The following CDC14A variants were observed in gnomAD, a reference collection of about 807,000 sequenced individuals.
CDC14A encodes the protein cell division cycle 14A.
In CDC14A, 53 loss-of-function variants were observed where a neutral mutation model predicts 74.4. The observed-to-expected ratio is 0.71, with a 90% confidence interval of 0.57 to 0.89. CDC14A has a LOEUF of 0.89. Ranked by LOEUF, CDC14A falls within the 40% of genes least tolerant of loss-of-function variation. The pLI is 0.00. For synonymous variants in CDC14A, 247 were observed against 258.4 expected (o/e 0.96, Z 0.43); for missense variants, 646 against 713.7 (o/e 0.91, Z 1.08).
intron 4 of CDC14A, among the ~76,000 whole-genome samples, chr1:100,396,190 GA>G (rs1658453502): frequency 6.6e-6 from 1 of 152,238 alleles, no homozygotes; most frequent in African/African-American, 2.4e-5. Context: ...TGGAAGCTGG[GA>G]CAGGGTCCTG....
At chr1:100,394,590 A>C (rs1206564164) in intron 4 of CDC14A, among the ~76,000 whole-genome samples, 1 of 152,200 alleles carries the variant, frequency 6.6e-6, no homozygotes, top group Non-Finnish European at 1.5e-5. Context: ...CTTTAAAGCA[A>C]CCAAAAGGGG....
intron 2 of CDC14A, among the ~76,000 whole-genome samples, chr1:100,370,159 AT>A (rs1228288293): frequency 1.3e-5 from 2 of 151,720 alleles, no homozygotes; most frequent in African/African-American, 4.8e-5. Flanking sequence ...AATTTTTGTA[AT>A]TTTTAGGAGA....
intron 7 of CDC14A, among the ~76,000 whole-genome samples, chr1:100,452,360 A>C (rs1202443093): frequency 6.6e-6 from 1 of 152,026 alleles, no homozygotes; most frequent in Non-Finnish European, 1.5e-5. Flanking sequence ...AAATACAAAA[A>C]AATTAGTCGG....
chr1:100,519,695 C>T lies in CDC14A; in HGVS notation c.*1415C>T, dbSNP rs2101496479. Reference sequence around the variant, plus strand: ...GTTTGACTCAGGTTTGTTAAATTAACCTTCAGTAACTGCAGTACCAAAAAT... The same window carrying T: ...GTTTGACTCAGGTTTGTTAAATTAATCTTCAGTAACTGCAGTACCAAAAAT... On this transcript the variant is annotated 3_prime_UTR_variant, in exon 16 of 16. Coordinates refer to ENST00000336454, the MANE Select transcript of CDC14A (RefSeq NM_003672.4). The T allele has an allele frequency of 6.6e-6, 1 of 152,302 alleles. No homozygotes were observed. The highest frequency in any genetic ancestry group is 1.9e-4 in the East Asian group (1 of 5,180). 9.4% of individuals were successfully genotyped at this position (152,302 alleles called of 1,614,324 possible).
At chr1:100,506,516 A>G (rs1649254767) in intron 15 of CDC14A, among the ~76,000 whole-genome samples, 1 of 152,230 alleles carries the variant, frequency 6.6e-6, no homozygotes, top group Non-Finnish European at 1.5e-5. Context: ...TATGCACATA[A>G]ACTGTTTATA....
At chr1:100,345,358 G>T (rs1233014827) in intron 1 of CDC14A, 1 of 151,976 alleles carries the variant, frequency 6.6e-6, no homozygotes, top group East Asian at 1.9e-4. Flanking sequence ...TAAATGCTAG[G>T]CTGTATTTGT....
chr1:100,455,958 C>T (rs1178709383), intron 8 of CDC14A, among the ~76,000 whole-genome samples: 1 of 152,206 alleles, frequency 6.6e-6, no homozygotes, highest in East Asian at 1.9e-4. Flanking sequence ...TCTCTTTTAA[C>T]ACTCAACACA....
intron 3 of CDC14A, among the ~76,000 whole-genome samples, chr1:100,380,374 C>T (rs564631016): frequency 3.3e-5 from 5 of 152,312 alleles, no homozygotes; most frequent in Admixed American, 6.5e-5. Context: ...GAACCATAGC[C>T]TCTGGTTTAC....
chr1:100,370,516 T>C (rs1654324122), intron 2 of CDC14A, among the ~76,000 whole-genome samples: 1 of 152,198 alleles, frequency 6.6e-6, no homozygotes, highest in South Asian at 2.1e-4. Context: ...ACCAGTTTCA[T>C]TCTTTTGCAT....
intron 9 of CDC14A, among the ~76,000 whole-genome samples, chr1:100,466,915 C>A: frequency 6.8e-6 from 1 of 147,326 alleles, no homozygotes; most frequent in Admixed American, 6.8e-5. Context: ...AAGGAAATGT[C>A]AGGCATCTGT....
intron 1 of CDC14A, 39 bp downstream of exon 1, chr1:100,353,042 G>T (rs779129624): frequency 1.2e-6 from 2 of 1,607,332 alleles, no homozygotes; most frequent in South Asian, 2.2e-5. Flanking sequence ...ACGCTTTCTT[G>T]CCCCCAACTC....
chr1:100,500,692 AGT>A (rs1648597233), intron 15 of CDC14A, among the ~76,000 whole-genome samples: 1 of 136,716 alleles, frequency 7.3e-6, no homozygotes, highest in African/African-American at 2.8e-5. Context: ...TGGAAGCTGC[AGT>A]GAGCCAAGAT....
intron 4 of CDC14A, among the ~76,000 whole-genome samples, chr1:100,412,466 G>A (rs1053877800): frequency 1.3e-5 from 2 of 149,166 alleles, no homozygotes; most frequent in African/African-American, 5.0e-5. Context: ...TAGAACTGTG[G>A]AAAGCTCTCT....
At chr1:100,486,488 T>G (rs1356955084) in intron 11 of CDC14A, among the ~76,000 whole-genome samples, 1 of 152,200 alleles carries the variant, frequency 6.6e-6, no homozygotes, top group Non-Finnish European at 1.5e-5. Flanking sequence ...CAACAGAAAT[T>G]TATTTCTCAC....
chr1:100,477,777 A>G (rs557808480), intron 10 of CDC14A, among the ~76,000 whole-genome samples: 24 of 152,214 alleles, frequency 1.6e-4, no homozygotes, highest in Non-Finnish European at 2.1e-4. Context: ...AAATGACTGA[A>G]CAAGTTAAAG....
chr1:100,518,384 G>A lies in CDC14A; in HGVS notation c.*104G>A. ...AACTTCTTGCTGGAAGAATATCTCTGCCTTCTTACCTTAAATTAAAAAGAG... is the reference window on the plus strand; with the variant it reads ...AACTTCTTGCTGGAAGAATATCTCTACCTTCTTACCTTAAATTAAAAAGAG... On this transcript the variant is annotated 3_prime_UTR_variant, in exon 16 of 16. Transcript: ENST00000336454. 1 of 888,990 alleles carries A rather than the reference G, an allele frequency of 1.1e-6. No individual in the cohort carries two copies. Among genetic ancestry groups the A allele is most frequent in the Non-Finnish European group, 1.9e-6 (1 of 533,686 alleles). The allele number at this position is 888,990 out of a possible 1,614,324, so 55.1% of individuals were successfully genotyped here. A position where few individuals can be genotyped will look rare whatever the true frequency, so the allele number is the denominator to read the frequency against.
At chr1:100,476,855 C>T (rs1452816166) in intron 10 of CDC14A, among the ~76,000 whole-genome samples, 1 of 152,078 alleles carries the variant, frequency 6.6e-6, no homozygotes, top group Non-Finnish European at 1.5e-5. Context: ...AGGGACTTTG[C>T]AGAAGTGATT....
At chr1:100,515,953 G>A (rs762095758) in intron 15 of CDC14A, among the ~76,000 whole-genome samples, 1 of 152,192 alleles carries the variant, frequency 6.6e-6, no homozygotes, top group Non-Finnish European at 1.5e-5. Flanking sequence ...AGGTCAATTC[G>A]TTGGCCAAAT....
chr1:100,511,663 A>G (rs1298023560), intron 15 of CDC14A, among the ~76,000 whole-genome samples: 1 of 152,184 alleles, frequency 6.6e-6, no homozygotes, highest in Admixed American at 6.5e-5. Flanking sequence ...CAGCTTTGAC[A>G]CTACTTCTGC....
Sources: allele counts gnomAD v4.1 joint callset (sites outside exome capture counted in the v4.1 genomes callset), GRCh38; gene constraint gnomAD v4.1.1; transcripts MANE v1.5; gene names NCBI Gene and HGNC (gene_info 2026-07-23, HGNC 2026-07-21).